DACH1: variants seen among roughly 807,000 people sequenced by gnomAD.
The protein encoded by DACH1 is dachshund family transcription factor 1.
A neutral mutation model predicts 54.2 loss-of-function variants in DACH1; 12 were observed. The observed-to-expected ratio is 0.22, with a 90% CI of 0.14 to 0.36. DACH1 has a LOEUF of 0.36. DACH1 is among the 10% of genes least tolerant of loss of function. The probability of loss-of-function intolerance (pLI) is 1.00; values close to 1 mark genes in which losing one functional copy is unlikely to be tolerated. For missense variants in DACH1, 805 were observed against 929.8 expected, an observed-to-expected ratio of 0.87 and a Z score of 1.75; for synonymous variants, 386 against 366.2, an observed-to-expected ratio of 1.05 and a Z score of -0.62.
At chr13:71,863,239 G>A (rs1874472068) in intron 1 of DACH1, among the ~76,000 whole-genome samples, 1 of 152,104 alleles carries the variant, frequency 6.6e-6, no homozygotes, top group Non-Finnish European at 1.5e-5. Flanking sequence ...AGTATATTTG[G>A]TGAGAGGGAG....
At chr13:71,561,149 G>C (rs1566342515) in intron 4 of DACH1, among the ~76,000 whole-genome samples, 1 of 152,104 alleles carries the variant, frequency 6.6e-6, no homozygotes, top group Non-Finnish European at 1.5e-5. Flanking sequence ...GATTCCATTA[G>C]CACCATGATG....
intron 2 of DACH1, among the ~76,000 whole-genome samples, chr13:71,654,106 A>G (rs1878877218): frequency 6.6e-6 from 1 of 152,062 alleles, no homozygotes; most frequent in Admixed American, 6.6e-5. Context: ...TAGATGACTA[A>G]TAGGCCGGGC....
intron 1 of DACH1, among the ~76,000 whole-genome samples, chr13:71,754,028 T>C (rs1885037322): frequency 6.6e-6 from 1 of 152,228 alleles, no homozygotes. Flanking sequence ...TCTGACTTAA[T>C]GTGACTCATG....
intron 1 of DACH1, among the ~76,000 whole-genome samples, chr13:71,735,704 G>T (rs974827060): frequency 4.0e-5 from 6 of 151,426 alleles, no homozygotes; most frequent in African/African-American, 1.2e-4. Flanking sequence ...TGCTTAGATG[G>T]GTTAAGATTC....
intron 1 of DACH1, among the ~76,000 whole-genome samples, chr13:71,863,326 C>T (rs1349522180): frequency 6.6e-6 from 1 of 152,080 alleles, no homozygotes; most frequent in African/African-American, 2.4e-5. Flanking sequence ...AACTAAACAC[C>T]TTCTCAAGTT....
At chr13:71,660,334 G>A (rs1879407447) in intron 2 of DACH1, among the ~76,000 whole-genome samples, 1 of 151,962 alleles carries the variant, frequency 6.6e-6, no homozygotes. Flanking sequence ...TTATATACAA[G>A]GGTTTTGAAC....
At chr13:71,779,519 C>A (rs1257791431) in intron 1 of DACH1, among the ~76,000 whole-genome samples, 1 of 151,976 alleles carries the variant, frequency 6.6e-6, no homozygotes, top group East Asian at 2.0e-4. Context: ...GGACCTCCAA[C>A]TTTTTGCTTG....
intron 10 of DACH1, among the ~76,000 whole-genome samples, chr13:71,441,771 A>T (rs75576963): frequency 0.014 from 2,067 of 152,238 alleles, 39 homozygotes; most frequent in African/African-American, 0.036. Context: ...TGGATATAGT[A>T]AGTTGCAAGG....
intron 2 of DACH1, among the ~76,000 whole-genome samples, chr13:71,657,329 A>T (rs1879179066): frequency 6.6e-6 from 1 of 151,772 alleles, no homozygotes; most frequent in Non-Finnish European, 1.5e-5. Context: ...TATCTCTATT[A>T]AAAAAATTAA....
chr13:71,569,319 C>G (rs1206664879), intron 4 of DACH1, among the ~76,000 whole-genome samples: 2 of 152,018 alleles, frequency 1.3e-5, no homozygotes, highest in African/African-American at 4.8e-5. Flanking sequence ...GGCCAAACAG[C>G]AAGTATTTTA....
At chr13:71,793,953 A>G (rs1886935178) in intron 1 of DACH1, among the ~76,000 whole-genome samples, 1 of 150,842 alleles carries the variant, frequency 6.6e-6, no homozygotes, top group African/African-American at 2.4e-5. Context: ...TGGTCTTAAA[A>G]CCTCCTTATT....
At chr13:71,662,553 G>A (rs1403770460) in intron 2 of DACH1, among the ~76,000 whole-genome samples, 1 of 151,960 alleles carries the variant, frequency 6.6e-6, no homozygotes, top group African/African-American at 2.4e-5. Flanking sequence ...CTTAGTAACT[G>A]AAATATGATA....
intron 2 of DACH1, among the ~76,000 whole-genome samples, chr13:71,636,892 C>T (rs1010302299): frequency 7.2e-5 from 11 of 152,106 alleles, no homozygotes; most frequent in Non-Finnish European, 1.3e-4. Flanking sequence ...ATGATGCAAA[C>T]TTATGCTTGC....
At chr13:71,713,485 C>T (rs889116736) in intron 1 of DACH1, among the ~76,000 whole-genome samples, 2 of 152,056 alleles carry the variant, frequency 1.3e-5, no homozygotes, top group African/African-American at 4.8e-5. Flanking sequence ...AAAAAAGCTT[C>T]TGGATGCATT....
intron 2 of DACH1, among the ~76,000 whole-genome samples, chr13:71,634,609 C>G (rs1877336534): frequency 6.6e-6 from 1 of 152,178 alleles, no homozygotes; most frequent in Non-Finnish European, 1.5e-5. Flanking sequence ...GTTCCTGACT[C>G]TTAACTATCT....
intron 1 of DACH1, among the ~76,000 whole-genome samples, chr13:71,777,893 G>C (rs1886128915): frequency 6.6e-6 from 1 of 151,906 alleles, no homozygotes. Flanking sequence ...AATGAAGGTG[G>C]ATTGCTTGAA....
chr13:71,488,038 A>G (rs1016162319), intron 7 of DACH1, among the ~76,000 whole-genome samples: 1 of 152,166 alleles, frequency 6.6e-6, no homozygotes, highest in Non-Finnish European at 1.5e-5. Context: ...TGCCATATTA[A>G]TAGATGAGAA....
intron 6 of DACH1, among the ~76,000 whole-genome samples, chr13:71,541,609 C>T (rs1399734483): frequency 1.3e-5 from 2 of 152,078 alleles, no homozygotes; most frequent in East Asian, 3.9e-4. Context: ...TATATAAGTT[C>T]ATTTATATGG....
intron 1 of DACH1, among the ~76,000 whole-genome samples, chr13:71,823,173 C>T (rs1290098533): frequency 2.0e-5 from 3 of 151,930 alleles, no homozygotes; most frequent in Non-Finnish European, 4.4e-5. Flanking sequence ...AAAAGCAACC[C>T]TTTCATTAAA....
Sources: gnomAD v4.1 joint callset for allele counts (sites outside exome capture counted in the v4.1 genomes callset) on GRCh38, gnomAD v4.1.1 for gene constraint, MANE v1.5 for transcripts, NCBI Gene and HGNC (gene_info 2026-07-23, HGNC 2026-07-21) for gene names.